ZNF433: variants seen among roughly 807,000 people sequenced by gnomAD.
ZNF433 encodes zinc finger protein 433.
ZNF433 carries 12 observed loss-of-function variants against 10.6 expected under a neutral mutation model. The ratio of observed to expected loss-of-function variants is 1.13; its 90% CI spans 0.72 to 1.83. The LOEUF (loss-of-function observed/expected upper bound fraction) is 1.83, where lower values mean the gene tolerates loss of function less well. Ranked by LOEUF, ZNF433 falls within the 40% of genes most tolerant of loss-of-function variation. The probability of loss-of-function intolerance (pLI) is 0.00; values close to 1 mark genes in which losing one functional copy is unlikely to be tolerated. For synonymous variants in ZNF433, 272 were observed against 271.3 expected, an observed-to-expected ratio of 1.00 and a Z score of -0.02; for missense variants, 737 against 798.0, an observed-to-expected ratio of 0.92 and a Z score of 0.92.
At position 12,016,382 on chromosome 19, in the gene ZNF433, C is replaced by T. The variant is rs1974199787; in HGVS notation, c.476G>A (p.Arg159Lys). 1 of 1,614,026 alleles carries T rather than the reference C, an allele frequency of 6.2e-7. No homozygotes were observed. The highest frequency in any genetic ancestry group is 8.5e-7 in the Non-Finnish European group (1 of 1,180,038). Residue 159 changes from arginine to lysine, a missense_variant, in exon 4 of 4, where the codon AGG becomes AAG. Physicochemically the swap from Arg to Lys is conservative, Grantham distance 26. Transcript: ENST00000550507. ...ATAGAGTTTCCTTCCACTATGAGCC[C>T]TTTCATGTGTCTGAACAGAGGAGAG... ...NCLSSVQTHE[R>K]AHSGRKLYVC...
intron 3 of ZNF433, among the ~76,000 whole-genome samples, chr19:12,017,501 CGT>C (rs1974268986): frequency 6.6e-6 from 1 of 152,144 alleles, no homozygotes; most frequent in African/African-American, 2.4e-5. Context: ...CCACGCCTGG[CGT>C]CTCTGAGTAC....
rs1974206214 is a variant in ZNF433 at position 12,016,466 on chromosome 19, T to C, written c.392A>G (p.Tyr131Cys). 2.5e-6 allele frequency: 4 copies of C among 1,614,060 alleles called. No homozygotes were observed. The highest frequency in any genetic ancestry group is 3.3e-5 in the Admixed American group (2 of 60,004). ...ATATGGTTTCTGTCCATATTCTTGA[T>C]ACTCATATGCCTTGTGTCCAGTGTC... Reference protein sequence around the residue: ...RDDTGHKAYEYQEYGQKPYKC... With the variant: ...RDDTGHKAYECQEYGQKPYKC... The change falls in exon 4 of 4, where the codon TAT becomes TGT. Residue 131 changes from tyrosine to cysteine, a missense_variant. Tyr to Cys is a radical substitution (Grantham distance 194). Coordinates refer to ENST00000550507, the MANE Select transcript of ZNF433 (RefSeq NM_001308348.2).
At chr19:12,033,913 T>G (rs1975155652) in intron 1 of ZNF433, among the ~76,000 whole-genome samples, 1 of 152,128 alleles carries the variant, frequency 6.6e-6, no homozygotes, top group African/African-American at 2.4e-5. Flanking sequence ...AACTGAAATT[T>G]TAGTATTGTA....
chr19:12,024,618 C>T (rs2145446372), intron 1 of ZNF433: 1 of 152,288 alleles, frequency 6.6e-6, no homozygotes, highest in South Asian at 2.1e-4. Flanking sequence ...GAAGCTGAGG[C>T]AGAGGTACAG....
At position 12,035,640 on chromosome 19, in the gene ZNF433, G is replaced by A. The variant is rs935213087; in HGVS notation, c.-101C>T. ...GAACCCTCTCGGAGGGGAAAGCCAGGCTCCCAACCTCAGCTCGCCGCCTGG... is the reference window on the plus strand; with the variant it reads ...GAACCCTCTCGGAGGGGAAAGCCAGACTCCCAACCTCAGCTCGCCGCCTGG... On this transcript the variant is annotated 5_prime_UTR_variant, in exon 1 of 4. Transcript: ENST00000550507. 1 of 1,483,802 alleles carries A rather than the reference G, an allele frequency of 6.7e-7. No individual in the cohort carries two copies. Among genetic ancestry groups the A allele is most frequent in the Non-Finnish European group, 9.1e-7 (1 of 1,098,612 alleles). 91.9% of individuals were successfully genotyped at this position (1,483,802 alleles called of 1,614,324 possible).
chr19:12,031,113 C>T (rs965676240), intron 1 of ZNF433, among the ~76,000 whole-genome samples: 56 of 151,210 alleles, frequency 3.7e-4, no homozygotes, highest in African/African-American at 8.7e-4. Context: ...CTGGCCAACA[C>T]GGTGAAACCC....
rs1268748463 is a variant in ZNF433, at chr19:12,029,550, G to A, written c.3+5987C>T. 5.6e-3 allele frequency among the ~76,000 whole-genome samples: 495 copies of A among 88,274 alleles called. 1 individual carries two copies. The highest frequency in any genetic ancestry group is 7.5e-3 in the Admixed American group (58 of 7,692). The allele number at this position is 88,274 out of a possible 152,430, so 57.9% of individuals were successfully genotyped here. A position where few individuals can be genotyped will look rare whatever the true frequency, so the allele number is the denominator to read the frequency against. On this transcript the variant is annotated intron_variant, in intron 1 of 3. Coordinates refer to ENST00000550507, the MANE Select transcript of ZNF433 (RefSeq NM_001308348.2). ...AAAAAAAAAAAAAAAAAAAAAAAAAGCCAGGATGTTGTATAAAATATGACT... is the reference window on the plus strand; with the variant it reads ...AAAAAAAAAAAAAAAAAAAAAAAAAACCAGGATGTTGTATAAAATATGACT...
At chr19:12,019,052 T>TAAAAA (rs754859866) in intron 1 of ZNF433, among the ~76,000 whole-genome samples, 80 of 62,406 alleles carry the variant, frequency 1.3e-3, no homozygotes, top group African/African-American at 2.8e-3. Context: ...TCCATCTTAA[T>TAAAAA]AAAAAAAAAA....
intron 1 of ZNF433, among the ~76,000 whole-genome samples, chr19:12,020,760 C>T (rs1247706111): frequency 6.6e-6 from 1 of 151,760 alleles, no homozygotes; most frequent in African/African-American, 2.4e-5. Context: ...CTACTAAAAA[C>T]ACAAAAATTA....
In ZNF433 at chr19:12,015,511, A is replaced by T; in HGVS notation, c.1347T>A (p.Cys449Ter). The T allele has an allele frequency of 1.9e-6, 3 of 1,613,378 alleles. No homozygotes were observed. Among genetic ancestry groups the T allele is most frequent in the Middle Eastern group, 3.3e-4 (2 of 6,054 alleles). The change falls in exon 4 of 4, where the codon TGT (cysteine) becomes TGA (stop). Residue 449 changes from cysteine (C) to a stop codon, truncating the protein, a stop_gained. Transcript: ENST00000550507. LOFTEE classifies it low-confidence loss of function (END_TRUNC). ...TACTAAATGGTTTTCCACATTCCTTACATGCATAGGGTTTCTCTCCCGTGT... is the reference window on the plus strand; with the variant it reads ...TACTAAATGGTTTTCCACATTCCTTTCATGCATAGGGTTTCTCTCCCGTGT... The part of the protein sequence containing the change: ...RTHTGEKPYA[C>*]KECGKPFSNF...
intron 1 of ZNF433, among the ~76,000 whole-genome samples, chr19:12,035,083 T>G (rs1001194014): frequency 2.0e-5 from 3 of 152,212 alleles, no homozygotes; most frequent in African/African-American, 7.2e-5. Context: ...CTCTAATTAT[T>G]AATATATTTT....
At chr19:12,034,925 G>A in intron 1 of ZNF433, 2 of 453,912 alleles carry the variant, frequency 4.4e-6, no homozygotes, top group South Asian at 1.6e-5. Context: ...CTTACTTCAG[G>A]CCTCCTGGGG....
intron 1 of ZNF433, chr19:12,023,448 G>A (rs992698740): frequency 2.0e-5 from 3 of 152,144 alleles, no homozygotes; most frequent in Admixed American, 6.5e-5. Flanking sequence ...TGCCATATGT[G>A]GAAATGGGGA....
intron 1 of ZNF433, chr19:12,018,614 C>G (rs1023805110): frequency 5.0e-6 from 1 of 198,554 alleles, no homozygotes; most frequent in African/African-American, 2.3e-5. Flanking sequence ...CTTCCAAATT[C>G]CTGTGCAGAA....
At chr19:12,022,496 C>T (rs189569365) in intron 1 of ZNF433, among the ~76,000 whole-genome samples, 6 of 152,174 alleles carry the variant, frequency 3.9e-5, no homozygotes, top group East Asian at 3.9e-4. Flanking sequence ...TCTCCATGAC[C>T]GAGATGGTCT....
chr19:12,033,115 A>ACAC, intron 1 of ZNF433, among the ~76,000 whole-genome samples: 1 of 151,060 alleles, frequency 6.6e-6, no homozygotes, highest in East Asian at 2.0e-4. Flanking sequence ...CTCTCTTGAG[A>ACAC]CAGAGTCTCA....
Position 12,020,537 on chromosome 19 carries a change from C to T in ZNF433, c.4-2245G>A, listed in dbSNP as rs965610179. Among the ~76,000 whole-genome samples the T allele has an allele frequency of 1.1e-4, 17 of 152,220 alleles. No individual in the cohort carries two copies. In the East Asian group the frequency reaches 3.3e-3, roughly 29 times the overall value. Reference sequence around the variant, plus strand: ...TGTTTCAAGTGTATCATGAGAAACACATAATTGAAGACGTCCTTTCGAGAG... The same window carrying T: ...TGTTTCAAGTGTATCATGAGAAACATATAATTGAAGACGTCCTTTCGAGAG... On this transcript the variant is annotated intron_variant, in intron 1 of 3. Transcript: ENST00000550507.
chr19:12,032,222 G>A (rs1022462632), intron 1 of ZNF433, among the ~76,000 whole-genome samples: 3 of 152,170 alleles, frequency 2.0e-5, no homozygotes, highest in Non-Finnish European at 2.9e-5. Flanking sequence ...ACAGGCGTGA[G>A]CCACCACGCC....
chr19:12,022,404 C>T (rs1315968533), intron 1 of ZNF433, among the ~76,000 whole-genome samples: 2 of 152,174 alleles, frequency 1.3e-5, no homozygotes, highest in East Asian at 3.8e-4. Context: ...GCTCTGAAGG[C>T]TGTCAGCCCC....
Sources: gnomAD v4.1 joint callset for allele counts (sites outside exome capture counted in the v4.1 genomes callset) on GRCh38, gnomAD v4.1.1 for gene constraint, MANE v1.5 for transcripts, NCBI Gene and HGNC (gene_info 2026-07-23, HGNC 2026-07-21) for gene names.